RAD54L2: variants seen among roughly 807,000 people sequenced by gnomAD.
RAD54L2 encodes the protein RAD54 like 2, also known as helicase ARIP4.
A neutral mutation model predicts 138.4 loss-of-function variants in RAD54L2; 27 were observed. That is an observed-to-expected ratio of 0.20 (90% CI 0.14 to 0.27). The LOEUF (loss-of-function observed/expected upper bound fraction) is 0.27. Ranked by LOEUF, RAD54L2 falls within the 10% of genes least tolerant of loss-of-function variation. The pLI is 1.00. For missense variants in RAD54L2, 1,396 were observed against 1,890.2 expected (o/e 0.74, Z 4.85); for synonymous variants, 644 against 723.2 (o/e 0.89, Z 1.76).
chr3:51,564,911 G>A (rs1699179387), intron 2 of RAD54L2, among the ~76,000 whole-genome samples: 2 of 152,288 alleles, frequency 1.3e-5, no homozygotes, highest in Non-Finnish European at 2.9e-5. Flanking sequence ...TTAAGAAACA[G>A]CTTTTCATTT....
chr3:51,548,768 G>GTCC (rs1174659794), intron 2 of RAD54L2, among the ~76,000 whole-genome samples: 2 of 150,550 alleles, frequency 1.3e-5, no homozygotes, highest in East Asian at 4.0e-4. Flanking sequence ...AAGGAAGATA[G>GTCC]TCCTACACAG....
chr3:51,613,291 C>G (rs1178198795), intron 3 of RAD54L2, among the ~76,000 whole-genome samples: 1 of 152,172 alleles, frequency 6.6e-6, no homozygotes, highest in African/African-American at 2.4e-5. Context: ...TAGAATCCTT[C>G]AAGTTATCAA....
chr3:51,647,051 A>AT (rs1009818003), intron 19 of RAD54L2, among the ~76,000 whole-genome samples: 122 of 148,202 alleles, frequency 8.2e-4, no homozygotes, highest in African/African-American at 4.7e-4. Context: ...TCTAGGTTTA[A>AT]TTTTTTTTTT....
chr3:51,645,733 C>A lies in RAD54L2; in HGVS notation c.2799C>A (p.Ala933=). Residue 933 remains alanine (A), a synonymous_variant, in exon 18 of 23, where the codon GCC becomes GCA. Transcript: ENST00000684192. This position sits in a 1 kb window ranked among gnomAD's most constrained non-coding sequence, Gnocchi z 6.1. ...KGIKESVLQL[A]CLKYPHLITK... is the part of the protein sequence containing the mutation. ...TCAAGGAGTCAGTCCTGCAACTGGC[C>A]TGTCTGAAGTACCCTCACCTCATCA... is the stretch of plus-strand genomic sequence containing the variant. The A allele has an allele frequency of 6.2e-7, 1 of 1,612,816 alleles. No homozygotes were observed. The highest frequency in any genetic ancestry group is 1.3e-5 in the African/African-American group (1 of 75,050).
intron 5 of RAD54L2, 96 bp downstream of exon 5, chr3:51,629,569 G>A: frequency 1.4e-6 from 2 of 1,464,200 alleles, no homozygotes; most frequent in Admixed American, 4.7e-5. Context: ...ATAAGACTGT[G>A]GCCTCTCGGC....
chr3:51,619,484 GTCTC>G (rs1404139396), intron 3 of RAD54L2, among the ~76,000 whole-genome samples: 2 of 149,986 alleles, frequency 1.3e-5, no homozygotes, highest in Non-Finnish European at 2.9e-5. Flanking sequence ...AGTGCAATGT[GTCTC>G]TCTTTTTTTT....
At chr3:51,571,113 G>A (rs759489007) in intron 2 of RAD54L2, among the ~76,000 whole-genome samples, 2 of 152,230 alleles carry the variant, frequency 1.3e-5, no homozygotes, top group East Asian at 1.9e-4. Context: ...AAGCTGCTGC[G>A]CTCAGCCAGA....
At chr3:51,557,300 A>C (rs1698995023) in intron 2 of RAD54L2, among the ~76,000 whole-genome samples, 1 of 147,698 alleles carries the variant, frequency 6.8e-6, no homozygotes, top group Admixed American at 7.1e-5. Context: ...CTCCAACCTC[A>C]GCCTCCTGAG....
chr3:51,614,329 T>A (rs1456493236), intron 3 of RAD54L2, among the ~76,000 whole-genome samples: 1 of 151,482 alleles, frequency 6.6e-6, no homozygotes, highest in Non-Finnish European at 1.5e-5. Context: ...GCCCAGCTAA[T>A]TTTTTTTTAT....
intron 2 of RAD54L2, among the ~76,000 whole-genome samples, chr3:51,572,714 C>G (rs1217232263): frequency 6.7e-6 from 1 of 150,044 alleles, no homozygotes; most frequent in East Asian, 2.0e-4. Context: ...TCTCGGCTCA[C>G]TGCAACCTCC....
chr3:51,566,208 C>T (rs1370485799), intron 2 of RAD54L2, among the ~76,000 whole-genome samples: 1 of 152,132 alleles, frequency 6.6e-6, no homozygotes, highest in Non-Finnish European at 1.5e-5. Flanking sequence ...TTACAGTTTT[C>T]TTTCTTTGTT....
chr3:51,552,736 T>A (rs1199302280), intron 2 of RAD54L2, among the ~76,000 whole-genome samples: 2 of 151,470 alleles, frequency 1.3e-5, no homozygotes, highest in Non-Finnish European at 2.9e-5. Context: ...CCATGTCCAT[T>A]TTTTGTAGAG....
intron 3 of RAD54L2, among the ~76,000 whole-genome samples, chr3:51,623,354 A>G (rs552058324): frequency 2.0e-5 from 3 of 152,332 alleles, no homozygotes; most frequent in Non-Finnish European, 2.9e-5. Flanking sequence ...ATCACTCAGC[A>G]TGTCTGACCA....
rs566845762 is a variant in RAD54L2, at chr3:51,641,225, C to T, written c.2232-524C>T. ...TTCATCATGTTGGCCAGATTGGTCTCGAACTCCTGACCTCAGGTGATCCGC... is the reference window on the plus strand; with the variant it reads ...TTCATCATGTTGGCCAGATTGGTCTTGAACTCCTGACCTCAGGTGATCCGC... On this transcript the variant is annotated intron_variant, in intron 14 of 22. Coordinates refer to ENST00000684192, the MANE Select transcript of RAD54L2 (RefSeq NM_015106.4). 3.8e-4 allele frequency among the ~76,000 whole-genome samples: 58 copies of T among 152,040 alleles called. No homozygotes were observed. In the South Asian group the frequency reaches 4.4e-3, roughly 11 times the overall value.
intron 2 of RAD54L2, among the ~76,000 whole-genome samples, chr3:51,573,518 C>A (rs1699390036): frequency 6.6e-6 from 1 of 151,926 alleles, no homozygotes. Context: ...CTCACTGCAA[C>A]CTCCACCTCC....
intron 19 of RAD54L2, among the ~76,000 whole-genome samples, chr3:51,651,771 T>C (rs1701444507): frequency 6.6e-6 from 1 of 152,204 alleles, no homozygotes; most frequent in Non-Finnish European, 1.5e-5. Flanking sequence ...AAACTAGGTA[T>C]TGATGGAACG....
intron 3 of RAD54L2, among the ~76,000 whole-genome samples, chr3:51,591,101 C>G (rs2106711799): frequency 6.6e-6 from 1 of 152,294 alleles, no homozygotes; most frequent in East Asian, 1.9e-4. Flanking sequence ...TATAAATTGC[C>G]CCTACTGGGA....
At chr3:51,595,347 A>G (rs1699938189) in intron 3 of RAD54L2, among the ~76,000 whole-genome samples, 1 of 152,172 alleles carries the variant, frequency 6.6e-6, no homozygotes, top group Non-Finnish European at 1.5e-5. Context: ...AGAGGAGTAA[A>G]TGGTCAGACT....
intron 2 of RAD54L2, among the ~76,000 whole-genome samples, chr3:51,577,295 G>C (rs1700776659): frequency 6.6e-6 from 1 of 152,212 alleles, no homozygotes; most frequent in African/African-American, 2.4e-5. Context: ...TAAGTGTGAT[G>C]TGGTGCTGAG....
Sources: gnomAD v4.1 joint callset for allele counts (sites outside exome capture counted in the v4.1 genomes callset) on GRCh38, gnomAD v4.1.1 for gene constraint, Gnocchi (gnomAD v3.1) non-coding constraint, MANE v1.5 for transcripts, NCBI Gene and HGNC (gene_info 2026-07-23, HGNC 2026-07-21) for gene names.